ACADM: variants seen among roughly 807,000 people sequenced by gnomAD.
ACADM encodes acyl-CoA dehydrogenase medium chain.
Under a neutral mutation model 58.9 loss-of-function variants are expected in ACADM, and 49 were observed. That is an observed-to-expected ratio of 0.83 (90% confidence interval 0.66 to 1.06). ACADM has a LOEUF of 1.06. Ranked by LOEUF, ACADM falls within the 50% of genes least tolerant of loss-of-function variation. The probability of loss-of-function intolerance (pLI) is 0.00; values close to 1 mark genes in which losing one functional copy is unlikely to be tolerated. For missense variants in ACADM, 496 were observed against 507.0 expected, an observed-to-expected ratio of 0.98 and a Z score of 0.21; for synonymous variants, 160 against 157.7, an observed-to-expected ratio of 1.01 and a Z score of -0.11.
chr1:75,732,085 G>T (rs372343895), intron 2 of ACADM, among the ~76,000 whole-genome samples: 1 of 151,868 alleles, frequency 6.6e-6, no homozygotes, highest in Non-Finnish European at 1.5e-5. Context: ...CCAGGAGGTC[G>T]AGGCTACAGT....
intron 2 of ACADM, among the ~76,000 whole-genome samples, chr1:75,729,470 C>T (rs1313069): frequency 0.92 from 129,578 of 140,308 alleles, 59,988 homozygotes; most frequent in African/African-American, 0.97. Flanking sequence ...TTTTTTTTTT[C>T]CTGTGACTTC....
At chr1:75,746,598 ATTTT>A (rs769123360) in intron 8 of ACADM, among the ~76,000 whole-genome samples, 4 of 140,442 alleles carry the variant, frequency 2.8e-5, no homozygotes, top group Admixed American at 7.1e-5. Flanking sequence ...CAATAAAGTA[ATTTT>A]TTTTTTTTTT....
intron 5 of ACADM, 111 bp from the exon 6 acceptor site, chr1:75,734,680 C>G: frequency 1.2e-6 from 1 of 834,402 alleles, no homozygotes; most frequent in African/African-American, 1.7e-5. Flanking sequence ...GTTCTTTGGA[C>G]TTACCTGTTA....
At chr1:75,750,308 G>C (rs1025372553) in intron 9 of ACADM, 143 bp from the exon 10 acceptor site, 2 of 704,162 alleles carry the variant, frequency 2.8e-6, no homozygotes, top group Non-Finnish European at 5.1e-6. Context: ...ATAAACTTAC[G>C]TGCCTATTCC....
At chr1:75,734,590 A>G in intron 5 of ACADM, 2 of 556,886 alleles carry the variant, frequency 3.6e-6, no homozygotes, top group Non-Finnish European at 6.4e-6. Context: ...CACAGGTCCT[A>G]CATATAACCT....
At chr1:75,727,787 A>G (rs1647079092) in intron 1 of ACADM, among the ~76,000 whole-genome samples, 1 of 152,202 alleles carries the variant, frequency 6.6e-6, no homozygotes, top group Non-Finnish European at 1.5e-5. Context: ...GAAAGCGGCA[A>G]TAGACAGCAT....
At chr1:75,761,788 A>T (rs1403454861) in intron 11 of ACADM, among the ~76,000 whole-genome samples, 4 of 152,232 alleles carry the variant, frequency 2.6e-5, no homozygotes, top group Non-Finnish European at 5.9e-5. Flanking sequence ...GATGTAGATT[A>T]ATTCCAAATT....
chr1:75,732,866 T>TA lies in ACADM; in HGVS notation c.232dup (p.Ile78AsnfsTer2), dbSNP rs2100363479. The TA allele has an allele frequency of 1.9e-6, 3 of 1,613,560 alleles. No individual in the cohort carries two copies. Among genetic ancestry groups the TA allele is most frequent in the Non-Finnish European group, 2.5e-6 (3 of 1,179,474 alleles). On this transcript the variant is annotated frameshift_variant, in exon 4 of 12. Transcript: ENST00000370841. LOFTEE classifies it high-confidence loss of function. ...TTTTTCTTCTAGTATCCAGTCCCCC[T>TA]AATTAGAAGAGCCTGGGAACTTGGT...
At chr1:75,760,264 CAA>C (rs764807575) in intron 10 of ACADM, among the ~76,000 whole-genome samples, 8 of 51,194 alleles carry the variant, frequency 1.6e-4, no homozygotes, top group Admixed American at 2.8e-4. Flanking sequence ...ACTAAAAATA[CAA>C]AAAAAAAAAA....
At chr1:75,760,142 C>T (rs1271539755) in intron 10 of ACADM, among the ~76,000 whole-genome samples, 15 of 150,072 alleles carry the variant, frequency 1.0e-4, no homozygotes, top group Non-Finnish European at 7.4e-5. Flanking sequence ...AAAAAGAGGC[C>T]GAGTGCGGTG....
At chr1:75,757,306 C>T (rs1394749811) in intron 10 of ACADM, among the ~76,000 whole-genome samples, 1 of 151,954 alleles carries the variant, frequency 6.6e-6, no homozygotes, top group Non-Finnish European at 1.5e-5. Flanking sequence ...TATAATCTAC[C>T]CATCTGACAA....
chr1:75,729,404 TGG>T (rs1647109698), intron 2 of ACADM, among the ~76,000 whole-genome samples: 2 of 150,154 alleles, frequency 1.3e-5, no homozygotes, highest in Non-Finnish European at 1.5e-5. Context: ...CCCAAAGTGC[TGG>T]GATTATAGGC....
chr1:75,728,297 G>A (rs954404129), intron 1 of ACADM, 104 bp from the exon 2 acceptor site: 14 of 839,428 alleles, frequency 1.7e-5, no homozygotes, highest in Middle Eastern at 6.8e-4. Context: ...AAAACTATGA[G>A]TATGGTCAAA....
chr1:75,761,385 G>A lies in ACADM; in HGVS notation c.1194+15G>A, dbSNP rs1284761061. 1 of 1,613,392 alleles carries A rather than the reference G, an allele frequency of 6.2e-7. No individual in the cohort carries two copies. Among genetic ancestry groups the A allele is most frequent in the Non-Finnish European group, 8.5e-7 (1 of 1,179,720 alleles). On this transcript the variant is annotated intron_variant, in intron 11 of 11. Coordinates refer to ENST00000370841, the MANE Select transcript of ACADM (RefSeq NM_000016.6). ...AAATCTATCAGGTAAGGTTAAAGAT[G>A]ATTTTTTTGGTTTGCAAGGAGAGAG...
intron 8 of ACADM, among the ~76,000 whole-genome samples, chr1:75,748,950 C>T (rs1648048242): frequency 6.6e-6 from 1 of 152,148 alleles, no homozygotes; most frequent in Non-Finnish European, 1.5e-5. Context: ...TTTACTAGCT[C>T]TATTAAGATT....
intron 1 of ACADM, among the ~76,000 whole-genome samples, chr1:75,726,359 ACT>A (rs1206193460): frequency 8.2e-5 from 5 of 61,206 alleles, no homozygotes; most frequent in Non-Finnish European, 1.2e-4. Flanking sequence ...ACAGAGGGAG[ACT>A]CTGTCAAAAA....
chr1:75,739,632 A>G (rs1308664994), intron 6 of ACADM, among the ~76,000 whole-genome samples: 2 of 152,108 alleles, frequency 1.3e-5, no homozygotes, highest in African/African-American at 4.8e-5. Context: ...GTGAGATGCC[A>G]TGTCTACAAA....
intron 7 of ACADM, chr1:75,744,922 G>A (rs946648391): frequency 3.0e-5 from 10 of 337,666 alleles, no homozygotes; most frequent in African/African-American, 2.1e-4. Context: ...CTGTCTTGTT[G>A]TAATAATAAT....
intron 10 of ACADM, among the ~76,000 whole-genome samples, chr1:75,754,211 T>G (rs75988350): frequency 2.7e-5 from 4 of 146,646 alleles, no homozygotes; most frequent in African/African-American, 1.0e-4. Context: ...AGTTTTTTGT[T>G]TTTTTTTTTT....
Sources: gnomAD v4.1 joint callset for allele counts (sites outside exome capture counted in the v4.1 genomes callset) on GRCh38, gnomAD v4.1.1 for gene constraint, MANE v1.5 for transcripts, NCBI Gene and HGNC (gene_info 2026-07-23, HGNC 2026-07-21) for gene names.